Variants in SOX6 observed in about 807,000 individuals in gnomAD.
SOX6 encodes the protein SRY-box transcription factor 6.
SOX6 carries 11 observed loss-of-function variants against 97.8 expected under a neutral mutation model. The observed-to-expected ratio is 0.11, with a 90% CI of 0.07 to 0.19. SOX6 has a LOEUF of 0.19. SOX6 is among the 10% of genes least tolerant of loss of function. The probability of loss-of-function intolerance (pLI) is 1.00; values close to 1 mark genes in which losing one functional copy is unlikely to be tolerated. For synonymous variants in SOX6, 360 were observed against 371.4 expected (o/e 0.97, Z 0.35); for missense variants, 810 against 1,039.5 (o/e 0.78, Z 3.04).
chr11:16,499,892 C>T (rs1416290617), intron 4 of SOX6, among the ~76,000 whole-genome samples: 1 of 152,208 alleles, frequency 6.6e-6, no homozygotes, highest in Non-Finnish European at 1.5e-5. Context: ...CAAGGAGGAA[C>T]TGGTACCATT....
intron 3 of SOX6, among the ~76,000 whole-genome samples, chr11:16,664,683 C>T (rs1019687864): frequency 2.0e-5 from 3 of 151,976 alleles, no homozygotes; most frequent in Non-Finnish European, 4.4e-5. Context: ...GTGGACTCGG[C>T]GGGGCACATG....
At chr11:16,540,660 A>C (rs1022150559) in intron 4 of SOX6, among the ~76,000 whole-genome samples, 1 of 152,104 alleles carries the variant, frequency 6.6e-6, no homozygotes, top group Non-Finnish European at 1.5e-5. Context: ...AATCACAAGC[A>C]CTCCTATACA....
chr11:16,064,841 A>G (rs977349655), intron 9 of SOX6, among the ~76,000 whole-genome samples: 4 of 151,966 alleles, frequency 2.6e-5, no homozygotes, highest in African/African-American at 9.7e-5. Context: ...AACCCTAAAA[A>G]AACTGGGGAT....
intron 3 of SOX6, among the ~76,000 whole-genome samples, chr11:16,677,906 T>C (rs1021791508): frequency 1.3e-5 from 2 of 152,204 alleles, no homozygotes; most frequent in African/African-American, 2.4e-5. Context: ...GGTTATTCAT[T>C]TCTTCTTAAG....
intron 3 of SOX6, among the ~76,000 whole-genome samples, chr11:16,654,863 T>A (rs573955026): frequency 7.6e-4 from 116 of 152,260 alleles, no homozygotes; most frequent in African/African-American, 2.6e-3. Flanking sequence ...ACAGTTACTA[T>A]GAGACAAATA....
chr11:16,452,590 A>T (rs1297597640), intron 1 of SOX6, among the ~76,000 whole-genome samples: 1 of 152,186 alleles, frequency 6.6e-6, no homozygotes, highest in African/African-American at 2.4e-5. Context: ...AAACAAAAAA[A>T]TCTGTAGTGC....
chr11:16,575,046 TA>T (rs756559904), intron 4 of SOX6, among the ~76,000 whole-genome samples: 1,782 of 115,344 alleles, frequency 0.015, 31 homozygotes, highest in African/African-American at 0.049. Flanking sequence ...TCTCAAAAAA[TA>T]AAAAAAAAAA....
At chr11:16,458,431 A>G (rs1005534015) in intron 1 of SOX6, among the ~76,000 whole-genome samples, 5 of 151,888 alleles carry the variant, frequency 3.3e-5, no homozygotes, top group Non-Finnish European at 7.4e-5. Flanking sequence ...ATTTTAAAGT[A>G]TGCAAAAAAG....
At chr11:16,115,835 A>G (rs570661282) in intron 6 of SOX6, among the ~76,000 whole-genome samples, 1 of 152,304 alleles carries the variant, frequency 6.6e-6, no homozygotes, top group South Asian at 2.1e-4. Context: ...TTTCAAAAGC[A>G]TATTGCTGGA....
At chr11:16,256,388 T>G (rs1607481) in intron 3 of SOX6, among the ~76,000 whole-genome samples, 118,740 of 151,826 alleles carry the variant, frequency 0.78, 46,581 homozygotes, top group Non-Finnish European at 0.8. Context: ...TATGCTAGGC[T>G]GGCTCACCAC....
At chr11:16,414,766 G>A (rs1858893152) in intron 1 of SOX6, among the ~76,000 whole-genome samples, 1 of 152,044 alleles carries the variant, frequency 6.6e-6, no homozygotes, top group Non-Finnish European at 1.5e-5. Flanking sequence ...AAGTAAATAT[G>A]TTTAACAGAA....
intron 3 of SOX6, among the ~76,000 whole-genome samples, chr11:16,623,902 T>C (rs1038662783): frequency 2.6e-5 from 4 of 152,198 alleles, no homozygotes; most frequent in Non-Finnish European, 5.9e-5. Context: ...TTTATAAAAC[T>C]ATACATCTAT....
intron 3 of SOX6, among the ~76,000 whole-genome samples, chr11:16,305,903 A>G (rs561341370): frequency 1.3e-5 from 2 of 152,268 alleles, no homozygotes; most frequent in Admixed American, 1.3e-4. Context: ...AGTAAAGAAC[A>G]TATTAGTAGT....
chr11:16,172,750 T>C (rs137872718), intron 6 of SOX6, among the ~76,000 whole-genome samples: 3 of 152,054 alleles, frequency 2.0e-5, no homozygotes, highest in East Asian at 3.9e-4. Context: ...TCTTCAAATA[T>C]ATGGAAAATG....
intron 2 of SOX6, among the ~76,000 whole-genome samples, chr11:16,328,890 G>A (rs950283948): frequency 6.6e-6 from 1 of 152,040 alleles, no homozygotes; most frequent in African/African-American, 2.4e-5. Context: ...GTAAAGAAAA[G>A]GATTGGGTTA....
intron 2 of SOX6, among the ~76,000 whole-genome samples, chr11:16,334,162 C>T (rs1472450709): frequency 6.6e-6 from 1 of 151,950 alleles, no homozygotes; most frequent in Non-Finnish European, 1.5e-5. Context: ...TGTGACACCT[C>T]CTTAAAGACA....
chr11:16,051,058 T>C (rs1272585627), intron 10 of SOX6, among the ~76,000 whole-genome samples: 1 of 152,004 alleles, frequency 6.6e-6, no homozygotes, highest in Non-Finnish European at 1.5e-5. Context: ...GAGGGTCTGA[T>C]ACTAGATGAT....
chr11:15,988,778 C>T (rs1001197213), intron 14 of SOX6, among the ~76,000 whole-genome samples: 8 of 152,196 alleles, frequency 5.3e-5, no homozygotes, highest in African/African-American at 1.9e-4. Context: ...GCCCTGGCAC[C>T]TGGTGGATAT....
At chr11:16,026,723 A>G (rs904151073) in intron 12 of SOX6, among the ~76,000 whole-genome samples, 1 of 152,202 alleles carries the variant, frequency 6.6e-6, no homozygotes, top group Non-Finnish European at 1.5e-5. Flanking sequence ...ACAAATGAGT[A>G]TTCAAATAAA....
Sources: gnomAD v4.1 joint callset for allele counts (sites outside exome capture counted in the v4.1 genomes callset) on GRCh38, gnomAD v4.1.1 for gene constraint, MANE v1.5 for transcripts, NCBI Gene and HGNC (gene_info 2026-07-23, HGNC 2026-07-21) for gene names.